CSGALNACT1: variants seen among roughly 807,000 people sequenced by gnomAD.
CSGALNACT1 encodes beta4GalNAcT-1.
In CSGALNACT1, 52 loss-of-function variants were observed where a neutral mutation model predicts 51.0. That is an observed-to-expected ratio of 1.02 (90% confidence interval 0.82 to 1.29). The LOEUF (loss-of-function observed/expected upper bound fraction) is 1.29, where lower values mean the gene tolerates loss of function less well. CSGALNACT1 is among the 50% of genes most tolerant of loss of function. CSGALNACT1 has a pLI of 0.00. For missense variants in CSGALNACT1, 935 were observed against 679.2 expected (o/e 1.38, Z -4.19); for synonymous variants, 341 against 254.4 (o/e 1.34, Z -3.24).
intron 1 of CSGALNACT1, among the ~76,000 whole-genome samples, chr8:19,720,709 C>T (rs745365558): frequency 5.9e-5 from 9 of 152,156 alleles, no homozygotes; most frequent in Non-Finnish European, 5.9e-5. Context: ...CTTGCTTGTT[C>T]TCAGAGCCCA....
At chr8:19,652,633 CCTT>C (rs1564353661) in intron 1 of CSGALNACT1, among the ~76,000 whole-genome samples, 2 of 152,214 alleles carry the variant, frequency 1.3e-5, no homozygotes, top group Admixed American at 6.5e-5. Context: ...TTGACCATCT[CCTT>C]CTCTATCCAC....
At chr8:19,650,701 C>G (rs980024416) in intron 1 of CSGALNACT1, among the ~76,000 whole-genome samples, 1 of 152,122 alleles carries the variant, frequency 6.6e-6, no homozygotes, top group Non-Finnish European at 1.5e-5. Context: ...TGAAACAACA[C>G]GCTTAAGCAC....
At chr8:19,459,077 T>C (rs879449630) in intron 4 of CSGALNACT1, among the ~76,000 whole-genome samples, 5 of 152,034 alleles carry the variant, frequency 3.3e-5, no homozygotes, top group Non-Finnish European at 5.9e-5. Context: ...AGCAATAAAA[T>C]TATGTCTTAG....
At chr8:19,572,136 A>G (rs1253761711) in intron 3 of CSGALNACT1, among the ~76,000 whole-genome samples, 2 of 152,240 alleles carry the variant, frequency 1.3e-5, no homozygotes, top group Non-Finnish European at 2.9e-5. Flanking sequence ...AAAAATATTT[A>G]CATACTTCCC....
At chr8:19,456,698 T>C (rs2064178815) in intron 5 of CSGALNACT1, among the ~76,000 whole-genome samples, 1 of 152,212 alleles carries the variant, frequency 6.6e-6, no homozygotes, top group Non-Finnish European at 1.5e-5. Context: ...AATTATGCGA[T>C]CATGCACAAA....
chr8:19,632,594 C>T (rs2055427913), intron 1 of CSGALNACT1, among the ~76,000 whole-genome samples: 2 of 152,190 alleles, frequency 1.3e-5, no homozygotes, highest in Admixed American at 6.5e-5. Context: ...CTATCTACAG[C>T]GATCACTGCA....
At chr8:19,491,996 A>G (rs1021747524) in intron 4 of CSGALNACT1, among the ~76,000 whole-genome samples, 1 of 152,226 alleles carries the variant, frequency 6.6e-6, no homozygotes, top group Admixed American at 6.5e-5. Context: ...ACTCTGTGCT[A>G]TTAATAAGCT....
intron 1 of CSGALNACT1, among the ~76,000 whole-genome samples, chr8:19,696,625 T>C (rs1456066716): frequency 2.6e-5 from 4 of 152,186 alleles, no homozygotes; most frequent in Non-Finnish European, 5.9e-5. Context: ...TTGCTAGCTG[T>C]GTGACTCCGA....
At chr8:19,449,199 A>G (rs944702052) in intron 5 of CSGALNACT1, among the ~76,000 whole-genome samples, 4 of 152,170 alleles carry the variant, frequency 2.6e-5, no homozygotes, top group South Asian at 4.1e-4. Flanking sequence ...ATGTTCATAC[A>G]TAACCCCTGG....
intron 1 of CSGALNACT1, among the ~76,000 whole-genome samples, chr8:19,704,367 C>T (rs1028849809): frequency 1.3e-5 from 2 of 152,138 alleles, no homozygotes; most frequent in South Asian, 2.1e-4. Flanking sequence ...CATATCAAAA[C>T]CACAGTCATC....
At chr8:19,637,271 A>C (rs894032362) in intron 1 of CSGALNACT1, among the ~76,000 whole-genome samples, 2 of 152,210 alleles carry the variant, frequency 1.3e-5, no homozygotes, top group Non-Finnish European at 2.9e-5. Flanking sequence ...TCCCTTTTCT[A>C]GTTGGTAGGG....
intron 3 of CSGALNACT1, among the ~76,000 whole-genome samples, chr8:19,529,068 G>A (rs534980182): frequency 5.4e-4 from 82 of 152,280 alleles, no homozygotes; most frequent in African/African-American, 1.9e-3. Context: ...TAAAAAGAAG[G>A]ATTCAGTGGA....
At chr8:19,666,937 GAGAGAAAA>G (rs2059311506) in intron 1 of CSGALNACT1, among the ~76,000 whole-genome samples, 3 of 127,836 alleles carry the variant, frequency 2.3e-5, no homozygotes, top group African/African-American at 9.0e-5. Flanking sequence ...GACAGAGAGA[GAGAGAAAA>G]AGAAAGAAAG....
At chr8:19,692,619 T>C (rs1375365798) in intron 1 of CSGALNACT1, among the ~76,000 whole-genome samples, 2 of 152,216 alleles carry the variant, frequency 1.3e-5, no homozygotes, top group African/African-American at 4.8e-5. Context: ...GTTGCTTCTG[T>C]GGCCATCCAG....
At chr8:19,519,996 T>C (rs1000632162) in intron 3 of CSGALNACT1, among the ~76,000 whole-genome samples, 1 of 152,188 alleles carries the variant, frequency 6.6e-6, no homozygotes, top group African/African-American at 2.4e-5. Flanking sequence ...CGGCACCCAC[T>C]CTGATGAGTT....
chr8:19,666,809 A>C (rs367786295), intron 1 of CSGALNACT1, among the ~76,000 whole-genome samples: 3 of 25,064 alleles, frequency 1.2e-4, no homozygotes, highest in African/African-American at 7.6e-4. Flanking sequence ...GAAAGAAAGA[A>C]AGAGAGAGAG....
chr8:19,554,507 T>C lies in CSGALNACT1; in HGVS notation c.-297+36653A>G, dbSNP rs1008530363. Among the ~76,000 whole-genome samples, 4 of 49,350 alleles carry C rather than the reference T, an allele frequency of 8.1e-5. No individual in the cohort carries two copies. The East Asian group carries it at 1.3e-3, about 16-fold the overall frequency. The allele number at this position is 49,350 out of a possible 152,430, so 32.4% of individuals were successfully genotyped here. A position where few individuals can be genotyped will look rare whatever the true frequency, so the allele number is the denominator to read the frequency against. On this transcript the variant is annotated intron_variant, in intron 3 of 9. Coordinates refer to ENST00000454498, the Ensembl canonical transcript of CSGALNACT1. ...GAAATATACTATTAAGTTACTTAAA[T>C]AGAGGAACTAAAAATGCGATGCAAC...
At chr8:19,660,380 C>G (rs1012766682) in intron 1 of CSGALNACT1, among the ~76,000 whole-genome samples, 2 of 152,196 alleles carry the variant, frequency 1.3e-5, no homozygotes, top group Non-Finnish European at 2.9e-5. Context: ...ATTTCTTCAT[C>G]TGTAAATTGG....
intron 1 of CSGALNACT1, among the ~76,000 whole-genome samples, chr8:19,625,774 C>G (rs1423087787): frequency 6.6e-6 from 1 of 152,124 alleles, no homozygotes; most frequent in Non-Finnish European, 1.5e-5. Flanking sequence ...AGTGGAAAAT[C>G]CTACAGAACA....
Sources: gnomAD v4.1 joint callset for allele counts (sites outside exome capture counted in the v4.1 genomes callset) on GRCh38, gnomAD v4.1.1 for gene constraint, MANE v1.5 for transcripts, NCBI Gene and HGNC (gene_info 2026-07-23, HGNC 2026-07-21) for gene names.